Variants in SHOX observed in about 807,000 individuals in gnomAD.
SHOX encodes short stature homeobox protein.
Under a neutral mutation model 29.6 loss-of-function variants are expected in SHOX, and 12 were observed. The ratio of observed to expected loss-of-function variants is 0.41; its 90% confidence interval spans 0.26 to 0.66. SHOX has a LOEUF of 0.66. Ranked by LOEUF, SHOX falls within the 30% of genes least tolerant of loss-of-function variation. The pLI, the probability that SHOX is intolerant of heterozygous loss-of-function variation, is 0.35. For synonymous variants in SHOX, 214 were observed against 200.6 expected (o/e 1.07, Z -0.57); for missense variants, 499 against 437.7 (o/e 1.14, Z -1.25).
intron 2 of SHOX, among the ~76,000 whole-genome samples, chrX:636,943 TAA>T (rs113697515): frequency 0.5 from 64,825 of 130,802 alleles, 16,426 homozygotes; most frequent in Middle Eastern, 0.54. Context: ...CTCTTTCATT[TAA>T]AAATATATAT....
At chrX:626,411 C>T (rs1225584290), upstream of SHOX, among the ~76,000 whole-genome samples, 1 of 122,854 alleles carries the variant, frequency 8.1e-6, no homozygotes, top group Non-Finnish European at 1.8e-5. Flanking sequence ...ATCTCTGTCT[C>T]TCTTTCTCTC....
At chrX:625,750 CTG>C (rs1477724386) in intron 1 of SHOX, among the ~76,000 whole-genome samples, 4 of 145,212 alleles carry the variant, frequency 2.8e-5, no homozygotes, top group Non-Finnish European at 6.0e-5. Context: ...CTCTTTTTCT[CTG>C]TCTCTGTCTG....
At chrX:643,313 G>GCCGGGAGAGGCTTGGGGACCTAGTGAC (rs2052896459) in intron 4 of SHOX, among the ~76,000 whole-genome samples, 1 of 103,240 alleles carries the variant, frequency 9.7e-6, no homozygotes, top group Non-Finnish European at 2.0e-5. Flanking sequence ...GATCTGGTGA[G>GCCGGGAGAGGCTTGGGGACCTAGTGAC]CCGGGAGAGG....
At position 649,007 on chromosome X, in the gene SHOX, G is replaced by GTTTCTTTCTTTCTT. The variant is rs376663720; in HGVS notation, c.*4396_*4409dup. ...CTTTTTCTTTCTCTTTTCCTTTTTT[G>GTTTCTTTCTTTCTT]TTTCTTTCTTTCTTTTTCTTTCTTT... On this transcript the variant is annotated 3_prime_UTR_variant, in exon 5 of 5. Transcript: ENST00000686671. Among the ~76,000 whole-genome samples the GTTTCTTTCTTTCTT allele has an allele frequency of 1.3e-4, 17 of 134,404 alleles. 1 individual carries two copies. In the South Asian group the frequency reaches 1.5e-3, roughly 12 times the overall value. 88.2% of individuals were successfully genotyped at this position (134,404 alleles called of 152,430 possible). A position where few individuals can be genotyped will look rare whatever the true frequency, so the allele number is the denominator to read the frequency against.
downstream of SHOX, among the ~76,000 whole-genome samples, chrX:651,717 A>G (rs1223584411): frequency 6.7e-6 from 1 of 149,046 alleles, no homozygotes; most frequent in East Asian, 2.0e-4. Flanking sequence ...GTGCATTTCC[A>G]GGGTGGGTAC....
At chrX:624,885 TCTTTCTTTCTTTCTTTCTCTCTTC>T (rs1569491670) in intron 1 of SHOX, among the ~76,000 whole-genome samples, 10 of 66,926 alleles carry the variant, frequency 1.5e-4, no homozygotes, top group Admixed American at 1.3e-4. Flanking sequence ...TTTCTTTCTT[TCTTTCTTTCTTTCTTTCTCTCTTC>T]CTTTCTTTCT....
chrX:635,856 G>A (rs1009464060), intron 2 of SHOX, among the ~76,000 whole-genome samples: 1 of 63,170 alleles, frequency 1.6e-5, no homozygotes, highest in Non-Finnish European at 3.2e-5. Flanking sequence ...AGTGGGGGGA[G>A]GGAGAGAGAG....
chrX:656,171 G>C (rs917324147), downstream of SHOX, among the ~76,000 whole-genome samples: 10 of 151,810 alleles, frequency 6.6e-5, no homozygotes, highest in African/African-American at 2.4e-4. Flanking sequence ...TTAGCCAGCT[G>C]TGGTGACTCA....
chrX:658,705 C>T (rs1174021440), intron 5 of SHOX: 17 of 288,932 alleles, frequency 5.9e-5, no homozygotes, highest in Non-Finnish European at 9.3e-5. Flanking sequence ...CTCCTGACCT[C>T]ATGATCCGTC....
chrX:632,993 C>T (rs1013582051), intron 1 of SHOX, among the ~76,000 whole-genome samples: 2 of 152,104 alleles, frequency 1.3e-5, no homozygotes, highest in Admixed American at 6.6e-5. Context: ...TCCTCCAGAC[C>T]TTTCGAAAGT....
At chrX:625,203 T>TCTC (rs200808982) in intron 1 of SHOX, among the ~76,000 whole-genome samples, 13 of 122,742 alleles carry the variant, frequency 1.1e-4, no homozygotes, top group South Asian at 6.2e-4. Flanking sequence ...TCCTCCTCCT[T>TCTC]CTCCTCCTCC....
chrX:652,886 T>C (rs759211182), downstream of SHOX, among the ~76,000 whole-genome samples: 13 of 55,252 alleles, frequency 2.4e-4, no homozygotes, highest in Non-Finnish European at 5.0e-4. Context: ...CTCCAGCCTG[T>C]TTTTTAGGGG....
chrX:650,792 TAAAAAA>T lies in SHOX; in HGVS notation c.*6178_*6183del, dbSNP rs1041655715. On this transcript the variant is annotated 3_prime_UTR_variant, in exon 5 of 5. Coordinates refer to ENST00000686671, the MANE Select transcript of SHOX (RefSeq NM_000451.4). ...GGCTTTCGGTGGACACGTTTGACAT[TAAAAAA>T]AAAAAAAAAAAAAAAAAAAAACTGG... Among the ~76,000 whole-genome samples the T allele has an allele frequency of 2.4e-4, 12 of 50,830 alleles. 1 individual carries two copies. Among genetic ancestry groups the T allele is most frequent in the Non-Finnish European group, 3.3e-4 (9 of 27,068 alleles). 33.3% of individuals were successfully genotyped at this position (50,830 alleles called of 152,430 possible). A position where few individuals can be genotyped will look rare whatever the true frequency, so the allele number is the denominator to read the frequency against.
At chrX:658,389 A>G (rs754064555) in intron 5 of SHOX, among the ~76,000 whole-genome samples, 1 of 152,200 alleles carries the variant, frequency 6.6e-6, no homozygotes, top group South Asian at 2.1e-4. Flanking sequence ...AAATAAGAAA[A>G]AGTCGACCTA....
chrX:642,221 C>A (rs1196984973), intron 4 of SHOX, among the ~76,000 whole-genome samples: 1 of 152,070 alleles, frequency 6.6e-6, no homozygotes, highest in Non-Finnish European at 1.5e-5. Context: ...ACGCGCAGCG[C>A]AGCGCCCGGC....
At chrX:631,239 A>G in intron 1 of SHOX, 65 bp downstream of exon 1, 1 of 1,580,750 alleles carries the variant, frequency 6.3e-7, no homozygotes, top group South Asian at 1.1e-5. Flanking sequence ...CTCGCCACGG[A>G]GTCGGCCCCG....
rs745475312 is a variant in SHOX, at chrX:630,853, C to G, written c.-45C>G. 4 of 1,610,024 alleles carry G rather than the reference C, an allele frequency of 2.5e-6. No homozygotes were observed. The highest frequency in any genetic ancestry group is 2.7e-5 in the African/African-American group (2 of 74,824). ...GCCGTCCTCTCCGCGCGGGGAGACG[C>G]GCGCATCCACCAGCCCCGGCTGCTC... On this transcript the variant is annotated 5_prime_UTR_variant, in exon 1 of 5. Coordinates refer to ENST00000686671, the MANE Select transcript of SHOX (RefSeq NM_000451.4).
At position 634,234 on chromosome X, in the gene SHOX, T is replaced by A. The variant is rs1413063944; in HGVS notation, c.278-384T>A. 4.6e-5 allele frequency among the ~76,000 whole-genome samples: 7 copies of A among 152,276 alleles called. No individual in the cohort carries two copies. The East Asian group carries it at 1.4e-3, about 30-fold the overall frequency. On this transcript the variant is annotated intron_variant, in intron 1 of 4. Coordinates refer to ENST00000686671, the MANE Select transcript of SHOX (RefSeq NM_000451.4). ...CAACCCGCCCCGGGTCCTCCCCGTG[T>A]CCTTCCCGGGCGTCCCGCCGGGGAT...
At chrX:642,309 G>GC (rs1412199240) in intron 4 of SHOX, among the ~76,000 whole-genome samples, 3 of 152,134 alleles carry the variant, frequency 2.0e-5, no homozygotes, top group African/African-American at 7.2e-5. Context: ...TTGGGGGGGG[G>GC]GCTCTGGCAG....
Sources: gnomAD v4.1 joint callset for allele counts (sites outside exome capture counted in the v4.1 genomes callset) on GRCh38, gnomAD v4.1.1 for gene constraint, MANE v1.5 for transcripts, NCBI Gene and HGNC (gene_info 2026-07-23, HGNC 2026-07-21) for gene names.